The following CD38 variants were observed in gnomAD, a reference collection of about 807,000 sequenced individuals.
The protein encoded by CD38 is ADP-ribosyl cyclase/cyclic ADP-ribose hydrolase 1.
A neutral mutation model predicts 36.3 loss-of-function variants in CD38; 31 were observed. The ratio of observed to expected loss-of-function variants is 0.85; its 90% CI spans 0.64 to 1.15. CD38 has a LOEUF of 1.15. Ranked by LOEUF, CD38 falls within the 50% of genes most tolerant of loss-of-function variation. The pLI is 0.00. For missense variants in CD38, 380 were observed against 371.9 expected, an observed-to-expected ratio of 1.02 and a Z score of -0.18; for synonymous variants, 131 against 135.2, an observed-to-expected ratio of 0.97 and a Z score of 0.22.
chr4:15,797,949 C>T (rs1723136202), intron 1 of CD38, among the ~76,000 whole-genome samples: 1 of 152,126 alleles, frequency 6.6e-6, no homozygotes. Flanking sequence ...AGGATTTCAA[C>T]ATCGTTTGGG....
intron 7 of CD38, among the ~76,000 whole-genome samples, chr4:15,842,337 G>C (rs1391789555): frequency 1.5e-5 from 2 of 134,814 alleles, no homozygotes; most frequent in African/African-American, 3.0e-5. Context: ...CAACAGACCT[G>C]CAGCTGAGGG....
Position 15,848,948 on chromosome 4 carries a change from G to A in CD38, c.*346G>A. On this transcript the variant is annotated 3_prime_UTR_variant, in exon 8 of 8. Coordinates refer to ENST00000226279, the MANE Select transcript of CD38 (RefSeq NM_001775.4). ...TCACCACACCAAACCTCTCTTATTA[G>A]AACAGGCAAGTGAAGAAAAGTGAAT... 1 of 173,640 alleles carries A rather than the reference G, an allele frequency of 5.8e-6. No individual in the cohort carries two copies. Among genetic ancestry groups the A allele is most frequent in the Non-Finnish European group, 1.2e-5 (1 of 82,086 alleles). 10.8% of individuals were successfully genotyped at this position (173,640 alleles called of 1,614,324 possible).
intron 1 of CD38, among the ~76,000 whole-genome samples, chr4:15,812,512 C>T (rs1723495254): frequency 6.6e-6 from 1 of 152,036 alleles, no homozygotes; most frequent in African/African-American, 2.4e-5. Flanking sequence ...CCTGGCCAAC[C>T]TGGTAAAACC....
At chr4:15,815,187 T>C (rs1723570823) in intron 1 of CD38, among the ~76,000 whole-genome samples, 1 of 152,194 alleles carries the variant, frequency 6.6e-6, no homozygotes, top group South Asian at 2.1e-4. Flanking sequence ...GTACACTTTG[T>C]AGTCAGGTAA....
At chr4:15,798,164 G>A (rs1723141179) in intron 1 of CD38, among the ~76,000 whole-genome samples, 3 of 152,138 alleles carry the variant, frequency 2.0e-5, no homozygotes, top group African/African-American at 7.2e-5. Context: ...CCAAAGTGCT[G>A]GGATTACAGG....
At chr4:15,785,157 A>T (rs4481229) in intron 1 of CD38, among the ~76,000 whole-genome samples, 69,035 of 151,814 alleles carry the variant, frequency 0.45, 18,915 homozygotes, top group African/African-American at 0.78. Context: ...ATAGTTACAA[A>T]TGGGGAAGTG....
chr4:15,829,273 A>G (rs72616181), intron 3 of CD38, among the ~76,000 whole-genome samples: 8,732 of 152,246 alleles, frequency 0.057, 346 homozygotes, highest in East Asian at 0.18. Flanking sequence ...GGATGTGTGT[A>G]CATGAGATGT....
intron 1 of CD38, among the ~76,000 whole-genome samples, chr4:15,783,312 A>G (rs1367651977): frequency 6.6e-6 from 1 of 152,188 alleles, no homozygotes; most frequent in Non-Finnish European, 1.5e-5. Context: ...GAAGCTGGGA[A>G]TTTAGGAAGA....
intron 4 of CD38, among the ~76,000 whole-genome samples, chr4:15,835,988 G>A (rs571396102): frequency 6.6e-6 from 1 of 152,148 alleles, no homozygotes; most frequent in East Asian, 1.9e-4. Context: ...GAGAAAGGAA[G>A]GAAGAAAGAA....
chr4:15,826,901 T>C lies in CD38; in HGVS notation c.499+1885T>C, dbSNP rs1309932315. ...AAGTTCTTTGATGGTGAGGCTACTA[T>C]ATATACATAAATGGTAGATTTTCTG... is the stretch of plus-strand genomic sequence containing the variant. On this transcript the variant is annotated intron_variant, in intron 3 of 7. Coordinates refer to ENST00000226279, the MANE Select transcript of CD38 (RefSeq NM_001775.4). Among the ~76,000 whole-genome samples the C allele has an allele frequency of 5.9e-5, 9 of 152,372 alleles. No homozygotes were observed. In the South Asian group the frequency reaches 1.7e-3, roughly 28 times the overall value.
chr4:15,808,020 G>T (rs1167646151), intron 1 of CD38, among the ~76,000 whole-genome samples: 1 of 152,166 alleles, frequency 6.6e-6, no homozygotes, highest in Non-Finnish European at 1.5e-5. Flanking sequence ...ATGCAGGAAG[G>T]AAGGCAGGAC....
intron 3 of CD38, among the ~76,000 whole-genome samples, chr4:15,831,892 T>A (rs1166323174): frequency 6.6e-6 from 1 of 152,206 alleles, no homozygotes; most frequent in South Asian, 2.1e-4. Flanking sequence ...TATCTCTTTT[T>A]CTACCTCCTC....
intron 1 of CD38, among the ~76,000 whole-genome samples, chr4:15,798,081 A>G (rs555842935): frequency 6.6e-6 from 1 of 152,340 alleles, no homozygotes; most frequent in East Asian, 1.9e-4. Context: ...TGTTTTATAG[A>G]GATGAGTTCT....
At chr4:15,820,024 G>T (rs1176408481) in intron 2 of CD38, among the ~76,000 whole-genome samples, 1 of 152,192 alleles carries the variant, frequency 6.6e-6, no homozygotes, top group Non-Finnish European at 1.5e-5. Flanking sequence ...AGCCAGAAGA[G>T]ATTGGGGGCC....
At chr4:15,827,304 G>A (rs1031409422) in intron 3 of CD38, among the ~76,000 whole-genome samples, 5 of 151,898 alleles carry the variant, frequency 3.3e-5, no homozygotes, top group Non-Finnish European at 4.4e-5. Context: ...GACTTTACAC[G>A]GTGTTTATGG....
chr4:15,790,933 T>C (rs1349526159), intron 1 of CD38, among the ~76,000 whole-genome samples: 3 of 149,026 alleles, frequency 2.0e-5, no homozygotes, highest in Non-Finnish European at 4.5e-5. Flanking sequence ...GGAGACCCTC[T>C]GCCTGGCAAC....
At chr4:15,840,574 C>A in intron 7 of CD38, 36 bp downstream of exon 7, 2 of 1,210,774 alleles carry the variant, frequency 1.7e-6, no homozygotes, top group Non-Finnish European at 2.4e-6. Context: ...AAATGACTGT[C>A]TTGTCACCTG....
At chr4:15,782,275 T>G (rs1283046229) in intron 1 of CD38, among the ~76,000 whole-genome samples, 2 of 152,196 alleles carry the variant, frequency 1.3e-5, no homozygotes, top group Non-Finnish European at 2.9e-5. Flanking sequence ...CAGCCCAGAT[T>G]CAAAAGAAGG....
intron 1 of CD38, among the ~76,000 whole-genome samples, chr4:15,786,962 A>G (rs1026728932): frequency 6.6e-6 from 1 of 152,246 alleles, no homozygotes. Context: ...CACACCCTCC[A>G]CAGCTGCTGG....
Sources: gnomAD v4.1 joint callset for allele counts (sites outside exome capture counted in the v4.1 genomes callset) on GRCh38, gnomAD v4.1.1 for gene constraint, MANE v1.5 for transcripts, NCBI Gene and HGNC (gene_info 2026-07-23, HGNC 2026-07-21) for gene names.